LRP1B: variants seen among roughly 807,000 people sequenced by gnomAD.
The protein encoded by LRP1B is low-density lipoprotein receptor-related protein 1B.
In LRP1B, 217 loss-of-function variants were observed where a neutral mutation model predicts 556.6. The observed-to-expected ratio is 0.39, with a 90% CI of 0.35 to 0.44. LRP1B has a LOEUF of 0.44. Ranked by LOEUF, LRP1B falls within the 20% of genes least tolerant of loss-of-function variation. LRP1B has a pLI of 1.00. For missense variants in LRP1B, 5,053 were observed against 5,620.8 expected (o/e 0.90, Z 3.23); for synonymous variants, 2,047 against 1,865.8 (o/e 1.10, Z -2.50).
intron 2 of LRP1B, among the ~76,000 whole-genome samples, chr2:141,523,205 A>T (rs542726013): frequency 5.9e-4 from 90 of 152,308 alleles, no homozygotes; most frequent in Non-Finnish European, 1.0e-3. Context: ...TATAACATTA[A>T]ACACTATTCC....
chr2:141,609,059 A>G (rs1688017386), intron 2 of LRP1B, among the ~76,000 whole-genome samples: 1 of 152,208 alleles, frequency 6.6e-6, no homozygotes, highest in Admixed American at 6.5e-5. Context: ...GAGAAATGAT[A>G]TCATTTTAAA....
At chr2:141,902,977 T>C (rs530645226) in intron 1 of LRP1B, among the ~76,000 whole-genome samples, 9 of 152,088 alleles carry the variant, frequency 5.9e-5, no homozygotes, top group Non-Finnish European at 1.2e-4. Flanking sequence ...CTGTTCGTAA[T>C]GGATTTTAAT....
intron 1 of LRP1B, among the ~76,000 whole-genome samples, chr2:141,886,540 T>C (rs1412242007): frequency 2.6e-5 from 4 of 152,212 alleles, no homozygotes; most frequent in African/African-American, 9.6e-5. Context: ...GAATGCATTA[T>C]AGTAAAGCTA....
At position 140,601,569 on chromosome 2, in the gene LRP1B, G is replaced by A. The variant is rs1485473980; in HGVS notation, c.6870C>T (p.Thr2290=). The change falls in exon 42 of 91, where the codon ACC becomes ACT. Residue 2290 remains threonine, a synonymous_variant. Transcript: ENST00000389484. ...CCACAGTGTGTCTGGTGATGGATGA[G>A]GTGGTAGAGCTTGTCCAGTACAGTG... ...WDTLYWTSST[T]SSITRHTVDQ... The A allele has an allele frequency of 1.2e-6, 2 of 1,613,166 alleles. No homozygotes were observed. The highest frequency in any genetic ancestry group is 2.2e-5 in the East Asian group (1 of 44,856).
intron 1 of LRP1B, among the ~76,000 whole-genome samples, chr2:141,891,582 A>T (rs1401968958): frequency 6.6e-6 from 1 of 152,130 alleles, no homozygotes; most frequent in Non-Finnish European, 1.5e-5. Context: ...ATAAAACAAA[A>T]TCCTTATCTG....
chr2:141,115,984 T>C (rs1424570422), intron 7 of LRP1B, among the ~76,000 whole-genome samples: 3 of 152,194 alleles, frequency 2.0e-5, no homozygotes, highest in African/African-American at 4.8e-5. Context: ...ATTGCCTGCA[T>C]TAGGGTACTA....
chr2:140,851,620 T>C (rs936709582), intron 28 of LRP1B, 32 bp downstream of exon 28: 4 of 1,592,134 alleles, frequency 2.5e-6, no homozygotes, highest in East Asian at 2.2e-5. Context: ...CAATTTTGTT[T>C]TTATTTTCGA....
chr2:141,952,712 A>T (rs1701139779), intron 1 of LRP1B, among the ~76,000 whole-genome samples: 1 of 152,198 alleles, frequency 6.6e-6, no homozygotes, highest in South Asian at 2.1e-4. Flanking sequence ...AGGTACCACT[A>T]TAAAAACAAT....
rs1680319108 is a variant in LRP1B, at chr2:140,324,076, T to A, written c.12341-10A>T. ...TGTGGATGTAATAAACCTGGAATTT[T>A]AAAAAGGCAGTTATGAAAGTTTTAA... On this transcript the variant is annotated splice_polypyrimidine_tract_variant and intron_variant, in intron 80 of 90. Coordinates refer to ENST00000389484, the MANE Select transcript of LRP1B (RefSeq NM_018557.3). 3 of 1,582,102 alleles carry A rather than the reference T, an allele frequency of 1.9e-6. No homozygotes were observed. The highest frequency in any genetic ancestry group is 1.7e-5 in the Admixed American group (1 of 58,836).
At chr2:140,349,207 AC>A (rs1558820564) in intron 77 of LRP1B, among the ~76,000 whole-genome samples, 2 of 152,084 alleles carry the variant, frequency 1.3e-5, no homozygotes. Context: ...GAACTAAAGG[AC>A]AATCAATTTC....
chr2:141,714,131 T>C (rs7570091), intron 2 of LRP1B, among the ~76,000 whole-genome samples: 18 of 152,134 alleles, frequency 1.2e-4, no homozygotes, highest in Admixed American at 1.0e-3. Flanking sequence ...ATAAAGTTAG[T>C]GGAAAGGGGG....
intron 31 of LRP1B, among the ~76,000 whole-genome samples, chr2:140,829,895 A>C (rs1479415789): frequency 6.6e-6 from 1 of 152,016 alleles, no homozygotes; most frequent in Non-Finnish European, 1.5e-5. Context: ...AAAAGAAAGA[A>C]AAGACAAAAT....
rs772892840 is a variant in LRP1B, at chr2:140,536,675, A to G, written c.7548T>C (p.Phe2516=). 1.9e-6 allele frequency: 3 copies of G among 1,610,406 alleles called. No homozygotes were observed. Among genetic ancestry groups the G allele is most frequent in the South Asian group, 1.1e-5 (1 of 90,468 alleles). The change falls in exon 46 of 91, where the codon TTT becomes TTC. Residue 2516 remains phenylalanine (F), a synonymous_variant. Coordinates refer to ENST00000389484, the MANE Select transcript of LRP1B (RefSeq NM_018557.3). ...CAATGCACTCACCATTTCCACATTC[A>G]AACTCCGAATAAGCGTTGCAGGAGG... The part of the protein sequence containing the change: ...KNSSCNAYSE[F]ECGNGECIDY...
rs115860724 is a variant in LRP1B, at chr2:140,497,514, T to A, written c.8851-1766A>T. On this transcript the variant is annotated intron_variant, in intron 55 of 90. Coordinates refer to ENST00000389484, the MANE Select transcript of LRP1B (RefSeq NM_018557.3). ...TTTTATTCAATTTTGTTAAAATAAA[T>A]ATTTAAAAAAAAAGAAAATGAGAAA... is the stretch of plus-strand genomic sequence containing the variant. Among the ~76,000 whole-genome samples the A allele has an allele frequency of 7.4e-3, 1,125 of 151,756 alleles. 15 individuals carry two copies. The highest frequency in any genetic ancestry group is 0.026 in the African/African-American group (1,062 of 41,464).
chr2:141,972,404 CTCT>C (rs1350939822), intron 1 of LRP1B, among the ~76,000 whole-genome samples: 1 of 151,440 alleles, frequency 6.6e-6, no homozygotes, highest in Non-Finnish European at 1.5e-5. Flanking sequence ...ATACTACATA[CTCT>C]TCTTTTTTTA....
intron 29 of LRP1B, among the ~76,000 whole-genome samples, chr2:140,842,975 T>C (rs1692155244): frequency 6.6e-6 from 1 of 151,784 alleles, no homozygotes; most frequent in South Asian, 2.1e-4. Context: ...CTTAATCTTT[T>C]CTGCATTTTA....
chr2:140,255,657 G>C (rs1681640958), intron 86 of LRP1B, among the ~76,000 whole-genome samples: 1 of 152,114 alleles, frequency 6.6e-6, no homozygotes. Context: ...TTTGACAAAT[G>C]AATAGATGAA....
rs144522316 is a variant in LRP1B at position 141,537,860 on chromosome 2, T to G, written c.206-57327A>C. Among the ~76,000 whole-genome samples, 373 of 152,222 alleles carry G rather than the reference T, an allele frequency of 2.5e-3. 2 individuals are homozygous for G. The highest frequency in any genetic ancestry group is 8.7e-3 in the African/African-American group (361 of 41,540). On this transcript the variant is annotated intron_variant, in intron 2 of 90. Transcript: ENST00000389484. ...CTAATAGATAAGACAGGCTTCATTC[T>G]ATAAATATATACCTTTTCAGACTCC... is the stretch of plus-strand genomic sequence containing the variant.
At chr2:142,062,835 A>G (rs770352287) in intron 1 of LRP1B, among the ~76,000 whole-genome samples, 7 of 151,706 alleles carry the variant, frequency 4.6e-5, no homozygotes, top group Non-Finnish European at 1.0e-4. Flanking sequence ...TTCAACATGA[A>G]CTTTTATTCT....
Sources: gnomAD v4.1 joint callset for allele counts (sites outside exome capture counted in the v4.1 genomes callset) on GRCh38, gnomAD v4.1.1 for gene constraint, MANE v1.5 for transcripts, NCBI Gene and HGNC (gene_info 2026-07-23, HGNC 2026-07-21) for gene names.